MAGED1: variants seen among roughly 807,000 people sequenced by gnomAD.
MAGED1 encodes melanoma-associated antigen D1.
MAGED1 carries 3 observed loss-of-function variants against 54.1 expected under a neutral mutation model. The ratio of observed to expected loss-of-function variants is 0.06; its 90% CI spans 0.03 to 0.14. The LOEUF (loss-of-function observed/expected upper bound fraction) is 0.14, where lower values mean the gene tolerates loss of function less well. MAGED1 is among the 10% of genes least tolerant of loss of function. The probability of loss-of-function intolerance (pLI) is 1.00; values close to 1 mark genes in which losing one functional copy is unlikely to be tolerated. For synonymous variants in MAGED1, 217 were observed against 227.3 expected, an observed-to-expected ratio of 0.95 and a Z score of 0.41; for missense variants, 485 against 623.4, an observed-to-expected ratio of 0.78 and a Z score of 2.36.
chrX:51,819,644 C>G (rs1018334439), intron 1 of MAGED1, among the ~76,000 whole-genome samples: 16 of 110,655 alleles, frequency 1.4e-4, no homozygotes, highest in Non-Finnish European at 2.8e-4. Flanking sequence ...TTTTAAATTA[C>G]ATTATTTATA....
chrX:51,850,797 G>A (rs1926858636), intron 1 of MAGED1, among the ~76,000 whole-genome samples: 1 of 110,849 alleles, frequency 9.0e-6, no homozygotes, highest in Non-Finnish European at 1.9e-5. Context: ...CTACTCGGGA[G>A]GCTGAGGTAG....
At chrX:51,846,184 G>A (rs782278041) in intron 1 of MAGED1, among the ~76,000 whole-genome samples, 2 of 111,927 alleles carry the variant, frequency 1.8e-5, no homozygotes, top group South Asian at 3.7e-4. Context: ...GACCTTACAC[G>A]ATGAAAAGAG....
chrX:51,853,515 A>G (rs1483631520), intron 1 of MAGED1, among the ~76,000 whole-genome samples: 1 of 111,684 alleles, frequency 9.0e-6, no homozygotes, highest in African/African-American at 3.3e-5. Flanking sequence ...TAGTTTTCCC[A>G]CTTAGTGTAG....
At chrX:51,818,523 A>C (rs1046826144) in intron 1 of MAGED1, among the ~76,000 whole-genome samples, 1 of 112,223 alleles carries the variant, frequency 8.9e-6, no homozygotes, top group Admixed American at 9.4e-5. Context: ...CCTTGAGATC[A>C]AATGGAGTGA....
intron 1 of MAGED1, among the ~76,000 whole-genome samples, chrX:51,853,500 C>T (rs782405266): frequency 4.7e-4 from 53 of 111,987 alleles, no homozygotes; most frequent in Non-Finnish European, 8.8e-4. Context: ...GGGAATGTCT[C>T]CTCTTAGTTT....
chrX:51,898,427 T>A, intron 9 of MAGED1, 100 bp downstream of exon 9: 1 of 1,058,215 alleles, frequency 9.4e-7, no homozygotes, highest in Non-Finnish European at 1.3e-6. Flanking sequence ...GAGGGTTTGG[T>A]TTGGGGATGT....
intron 1 of MAGED1, among the ~76,000 whole-genome samples, chrX:51,863,083 A>G (rs1557360813): frequency 2.7e-5 from 3 of 111,793 alleles, no homozygotes. Context: ...TCATCTTACA[A>G]CCACAAGTTT....
At chrX:51,828,560 T>C (rs1925943912) in intron 1 of MAGED1, among the ~76,000 whole-genome samples, 1 of 110,690 alleles carries the variant, frequency 9.0e-6, no homozygotes, top group Non-Finnish European at 1.9e-5. Flanking sequence ...AAATCATAAG[T>C]GCTAGATCTT....
intron 1 of MAGED1, among the ~76,000 whole-genome samples, chrX:51,873,459 C>T (rs1557361783): frequency 9.3e-6 from 1 of 107,512 alleles, no homozygotes; most frequent in Non-Finnish European, 1.9e-5. Flanking sequence ...ACTTATAAGT[C>T]ATAGTCATGA....
chrX:51,877,551 G>C (rs1033679596), intron 1 of MAGED1, among the ~76,000 whole-genome samples: 1 of 111,091 alleles, frequency 9.0e-6, no homozygotes, highest in Non-Finnish European at 1.9e-5. Flanking sequence ...TTGGAGGTAT[G>C]CACAGAGGTT....
At chrX:51,815,616 G>A (rs1397516193) in intron 1 of MAGED1, among the ~76,000 whole-genome samples, 1 of 108,749 alleles carries the variant, frequency 9.2e-6, no homozygotes, top group Admixed American at 9.9e-5. Context: ...TCCGCCTCCC[G>A]GGTTCAAGCG....
intron 1 of MAGED1, among the ~76,000 whole-genome samples, chrX:51,832,144 C>G (rs1926092082): frequency 9.0e-6 from 1 of 111,230 alleles, no homozygotes; most frequent in Admixed American, 9.5e-5. Context: ...TTCCTCCCAC[C>G]TCAGCCTCCT....
chrX:51,892,796 A>T (rs782283372), upstream of MAGED1, among the ~76,000 whole-genome samples: 10 of 111,444 alleles, frequency 9.0e-5, no homozygotes, highest in African/African-American at 3.3e-4. Context: ...GAAGACCCAG[A>T]CCCAAATTTT....
rs570358630 is a variant in MAGED1 at position 51,870,800 on chromosome X, A to C, written c.-36-23469A>C. Reference sequence around the variant, plus strand: ...TCCAATTTTAGTGTTTGTGCTGCCAAAGCAAGCACGGCTTTTCTTAATCCT... The same window carrying C: ...TCCAATTTTAGTGTTTGTGCTGCCACAGCAAGCACGGCTTTTCTTAATCCT... On this transcript the variant is annotated intron_variant, in intron 1 of 12. Coordinates refer to the MAGED1 transcript ENST00000375772. 15 of 112,846 alleles carry C rather than the reference A, an allele frequency of 1.3e-4. No individual in the cohort carries two copies. The South Asian group carries it at 3.3e-3, about 25-fold the overall frequency. The allele number at this position is 112,846 out of a possible 1,213,427, so 9.3% of individuals were successfully genotyped here. A position where few individuals can be genotyped will look rare whatever the true frequency, so the allele number is the denominator to read the frequency against.
intron 1 of MAGED1, among the ~76,000 whole-genome samples, chrX:51,804,186 A>G (rs1232306509): frequency 8.9e-6 from 1 of 112,131 alleles, no homozygotes; most frequent in Non-Finnish European, 1.9e-5. Flanking sequence ...TTATTAAATA[A>G]TAATCACAGT....
In MAGED1 at chrX:51,835,345, A is replaced by G. The variant is rs139409781; in HGVS notation, c.-37+32228A>G. On this transcript the variant is annotated intron_variant, in intron 1 of 12. Transcript: ENST00000375772. ...CGGAGCTTCTTTTATAATAAATTAC[A>G]TGAATATCTCATGTAATTTATTGAA... Among the ~76,000 whole-genome samples the G allele has an allele frequency of 4.4e-3, 493 of 111,190 alleles. 14 individuals carry two copies. The highest frequency in any genetic ancestry group is 5.3e-3 in the Admixed American group (55 of 10,419).
At chrX:51,850,506 A>G (rs1206235076) in intron 1 of MAGED1, among the ~76,000 whole-genome samples, 1 of 111,986 alleles carries the variant, frequency 8.9e-6, no homozygotes, top group African/African-American at 3.2e-5. Context: ...AAACACACAC[A>G]TCATACTAAT....
At position 51,885,855 on chromosome X, in the gene MAGED1, C is replaced by T. The variant is rs782121730; in HGVS notation, c.-36-8414C>T. 1.3e-3 allele frequency among the ~76,000 whole-genome samples: 145 copies of T among 110,156 alleles called. 2 individuals are homozygous for T. Among genetic ancestry groups the T allele is most frequent in the African/African-American group, 4.5e-3 (136 of 30,291 alleles). On this transcript the variant is annotated intron_variant, in intron 1 of 12. Coordinates refer to the MAGED1 transcript ENST00000375772. The stretch of plus-strand genomic sequence containing the variant: ...GTTTATTGTAGCACTATTCACAATG[C>T]CGAGATAGGGAATCAACCTAAGGGT...
In MAGED1 at chrX:51,900,165, C is replaced by G. The variant is rs1012318638; in HGVS notation, c.1845-17C>G. ...CTGCCTGGGTAGGTAGACACAAAGA[C>G]TGTTTTGCTCTTTCAGATACCTGGA... On this transcript the variant is annotated splice_polypyrimidine_tract_variant and intron_variant, in intron 10 of 12. Transcript: ENST00000326587. 1.0e-5 allele frequency: 11 copies of G among 1,074,268 alleles called. No homozygotes were observed. The highest frequency in any genetic ancestry group is 1.3e-5 in the Non-Finnish European group (10 of 773,686). The allele number at this position is 1,074,268 out of a possible 1,213,427, so 88.5% of individuals were successfully genotyped here. A position where few individuals can be genotyped will look rare whatever the true frequency, so the allele number is the denominator to read the frequency against.
Sources: gnomAD v4.1 joint callset for allele counts (sites outside exome capture counted in the v4.1 genomes callset) on GRCh38, gnomAD v4.1.1 for gene constraint, MANE v1.5 for transcripts, NCBI Gene and HGNC (gene_info 2026-07-23, HGNC 2026-07-21) for gene names.